DNAH3: variants seen among roughly 807,000 people sequenced by gnomAD.
DNAH3 encodes the protein dynein axonemal heavy chain 3.
Under a neutral mutation model 432.5 loss-of-function variants are expected in DNAH3, and 332 were observed. The ratio of observed to expected loss-of-function variants is 0.77; its 90% CI spans 0.70 to 0.84. DNAH3 has a LOEUF of 0.84. Among genes scored for constraint, DNAH3 ranks in the 40% least tolerant of loss-of-function variants. DNAH3 has a pLI of 0.00. For missense variants in DNAH3, 4,861 were observed against 5,114.0 expected, an observed-to-expected ratio of 0.95 and a Z score of 1.51; for synonymous variants, 1,956 against 1,900.2, an observed-to-expected ratio of 1.03 and a Z score of -0.76.
At chr16:21,097,437 G>A (rs1345723925) in exon 18 of DNAH3, 3 of 1,613,786 alleles carry the variant, frequency 1.9e-6, no homozygotes. Context: ...TCTTCAGCAT[G>A]GCCTGCAGAA....
intron 38 of DNAH3, 95 bp downstream of exon 38, chr16:21,026,932 G>T: frequency 1.2e-6 from 1 of 815,368 alleles, no homozygotes; most frequent in Non-Finnish European, 2.0e-6. Context: ...ATCTGCGAGG[G>T]CTTCATCACA....
Position 21,110,731 on chromosome 16 carries a change from A to C in DNAH3, c.2099+895T>G, listed in dbSNP as rs185438115. Among the ~76,000 whole-genome samples, 295 of 152,250 alleles carry C rather than the reference A, an allele frequency of 1.9e-3. 1 individual carries two copies. Among genetic ancestry groups the C allele is most frequent in the Non-Finnish European group, 2.6e-3 (177 of 68,028 alleles). ...TTAAGATTGAACAATGGAACCAAAC[A>C]TGGTGGCTCACACCTGTAGTCCCAA... On this transcript the variant is annotated intron_variant, in intron 14 of 61. Coordinates refer to ENST00000261383, the Ensembl canonical transcript of DNAH3.
chr16:21,093,822 A>AT (rs57195677), intron 18 of DNAH3, among the ~76,000 whole-genome samples: 4 of 151,792 alleles, frequency 2.6e-5, no homozygotes, highest in Admixed American at 1.3e-4. Flanking sequence ...GTGGATAAAA[A>AT]TTTTTTTTTC....
chr16:20,985,537 G>A (rs2086149426), exon 48 of DNAH3: 4 of 1,614,060 alleles, frequency 2.5e-6, no homozygotes, highest in Non-Finnish European at 3.4e-6. Context: ...GGACATGGGG[G>A]CCTTGCTGAT....
intron 54 of DNAH3, among the ~76,000 whole-genome samples, chr16:20,958,326 A>G (rs1431194711): frequency 2.6e-5 from 4 of 152,144 alleles, no homozygotes; most frequent in Non-Finnish European, 5.9e-5. Context: ...CACCTGTCTC[A>G]GCCTTTCAAA....
chr16:21,060,933 G>T (rs538194048), intron 25 of DNAH3, among the ~76,000 whole-genome samples: 2 of 151,168 alleles, frequency 1.3e-5, no homozygotes, highest in Non-Finnish European at 2.9e-5. Context: ...GAACTCCTGG[G>T]CCCAAGTGAC....
At chr16:21,129,828 G>A (rs2092520933) in intron 7 of DNAH3, among the ~76,000 whole-genome samples, 2 of 151,930 alleles carry the variant, frequency 1.3e-5, no homozygotes, top group Admixed American at 6.6e-5. Flanking sequence ...TCAAACAAGT[G>A]TTTTATGGGC....
At chr16:20,969,086 C>CTGTGTG (rs56928155) in intron 52 of DNAH3, among the ~76,000 whole-genome samples, 4 of 146,358 alleles carry the variant, frequency 2.7e-5, no homozygotes, top group African/African-American at 5.1e-5. Flanking sequence ...TTTTCTTTCT[C>CTGTGTG]TGTGTGTGTG....
intron 10 of DNAH3, chr16:21,120,953 C>T (rs1488569246): frequency 1.3e-5 from 11 of 851,106 alleles, no homozygotes; most frequent in Non-Finnish European, 2.2e-5. Flanking sequence ...TTCTTCTCCT[C>T]CCACACACCC....
Position 21,109,654 on chromosome 16 carries a change from C to T in DNAH3, c.2099+1972G>A, listed in dbSNP as rs117183628. Among the ~76,000 whole-genome samples the T allele has an allele frequency of 3.8e-3, 577 of 151,932 alleles. 22 individuals are homozygous for T. The East Asian group carries it at 0.091, about 24-fold the overall frequency. ...TTGCTCTGTGGCCCAGGCTGGAGTG[C>T]AGCGCCTCAATCATAACTCACTGCA... On this transcript the variant is annotated intron_variant, in intron 14 of 61. Transcript: ENST00000261383.
chr16:21,132,384 T>C (rs951761825), intron 7 of DNAH3, among the ~76,000 whole-genome samples: 2 of 152,230 alleles, frequency 1.3e-5, no homozygotes, highest in Non-Finnish European at 2.9e-5. Context: ...CAGCTCATCA[T>C]TTCATTAGCC....
exon 53 of DNAH3, chr16:20,964,165 T>A: frequency 6.2e-7 from 1 of 1,614,194 alleles, no homozygotes; most frequent in Non-Finnish European, 8.5e-7. Context: ...CAAGATCTTA[T>A]CTTCAATTTC....
At chr16:21,104,088 T>A (rs2091896233) in intron 16 of DNAH3, 1 of 187,856 alleles carries the variant, frequency 5.3e-6, no homozygotes, top group Non-Finnish European at 1.1e-5. Flanking sequence ...TCAGCCCCCC[T>A]GCCATGCCTT....
chr16:21,127,622 ATTTCAGAGGGT>A, intron 8 of DNAH3, 54 bp downstream of exon 9: 1 of 1,574,250 alleles, frequency 6.4e-7, no homozygotes, highest in Middle Eastern at 2.1e-4. Context: ...TACCAGCTTC[ATTTCAGAGGGT>A]TTTCAGTCTT....
At chr16:20,944,755 C>A in intron 57 of DNAH3, 92 bp from the exon 58 acceptor site, 1 of 1,194,156 alleles carries the variant, frequency 8.4e-7, no homozygotes, top group Non-Finnish European at 1.2e-6. Context: ...GAACAGGAAT[C>A]ATACTGTATC....
chr16:21,110,769 G>A (rs1207624255), intron 14 of DNAH3, among the ~76,000 whole-genome samples: 1 of 152,178 alleles, frequency 6.6e-6, no homozygotes, highest in Non-Finnish European at 1.5e-5. Context: ...GACTTAGGAG[G>A]TTGAGGCAGG....
At chr16:20,979,213 G>A in intron 50 of DNAH3, 117 bp downstream of exon 50, 2 of 852,934 alleles carry the variant, frequency 2.3e-6, no homozygotes, top group Non-Finnish European at 3.8e-6. Flanking sequence ...CTCTGCAAAT[G>A]CAGGGTCACA....
chr16:21,000,744 T>C (rs1019538513), intron 42 of DNAH3, among the ~76,000 whole-genome samples: 4 of 152,194 alleles, frequency 2.6e-5, no homozygotes, highest in African/African-American at 7.2e-5. Flanking sequence ...AGATCATGCA[T>C]GTAAAGTTGG....
chr16:20,938,374 G>C (rs960583745), intron 59 of DNAH3, among the ~76,000 whole-genome samples: 9 of 149,240 alleles, frequency 6.0e-5, no homozygotes, highest in Non-Finnish European at 1.3e-4. Flanking sequence ...TGGGCGACAA[G>C]AGTGAAACTC....
Sources: gnomAD v4.1 joint callset for allele counts (sites outside exome capture counted in the v4.1 genomes callset) on GRCh38, gnomAD v4.1.1 for gene constraint, MANE v1.5 for transcripts, NCBI Gene and HGNC (gene_info 2026-07-23, HGNC 2026-07-21) for gene names.